Variants in LAMA3 observed in about 807,000 individuals in gnomAD.
LAMA3 encodes the protein laminin subunit alpha 3, also known as laminin subunit alpha-3.
LAMA3 carries 281 observed loss-of-function variants against 402.0 expected under a neutral mutation model. That is an observed-to-expected ratio of 0.70 (90% CI 0.63 to 0.77). The LOEUF is 0.77. LAMA3 is among the 30% of genes least tolerant of loss of function. The pLI is 0.00. For synonymous variants in LAMA3, 1,431 were observed against 1,558.4 expected (o/e 0.92, Z 1.93); for missense variants, 3,840 against 4,215.5 (o/e 0.91, Z 2.47).
chr18:23,845,940 T>C (rs776093158), intron 30 of LAMA3, among the ~76,000 whole-genome samples: 5 of 152,218 alleles, frequency 3.3e-5, no homozygotes, highest in Non-Finnish European at 7.3e-5. Flanking sequence ...CTCATTATCA[T>C]TTTATTAGTT....
intron 44 of LAMA3, among the ~76,000 whole-genome samples, chr18:23,897,771 C>T (rs1206477383): frequency 3.9e-5 from 6 of 152,078 alleles, no homozygotes; most frequent in African/African-American, 1.4e-4. Flanking sequence ...CACAAACATG[C>T]GAAAATTAAG....
Position 23,827,389 on chromosome 18 carries a change from T to A in LAMA3, c.2745T>A (p.Leu915=). 1 of 1,614,228 alleles carries A rather than the reference T, an allele frequency of 6.2e-7. No homozygotes were observed. The highest frequency in any genetic ancestry group is 8.5e-7 in the Non-Finnish European group (1 of 1,180,042). ...CTTGTGAGGCCAGACACTTCCTGCT[T>A]GATGGGGAGCCAAGACCCGTGGCAG... ...TLACEARHFL[L]DGEPRPVAVR... Residue 915 remains leucine, a synonymous_variant, in exon 23 of 75, where the codon CTT becomes CTA. Coordinates refer to ENST00000313654, the MANE Select transcript of LAMA3 (RefSeq NM_198129.4).
At chr18:23,900,806 C>A (rs2081045560) in intron 47 of LAMA3, among the ~76,000 whole-genome samples, 1 of 152,030 alleles carries the variant, frequency 6.6e-6, no homozygotes, top group Non-Finnish European at 1.5e-5. Flanking sequence ...TGCACTTTAC[C>A]CCCTGCAGCC....
At chr18:23,731,320 T>A (rs2061391838) in intron 2 of LAMA3, among the ~76,000 whole-genome samples, 1 of 152,202 alleles carries the variant, frequency 6.6e-6, no homozygotes, top group Non-Finnish European at 1.5e-5. Context: ...ACATGACATA[T>A]AATGTCTTGA....
At chr18:23,800,377 G>A (rs1229898515) in intron 12 of LAMA3, among the ~76,000 whole-genome samples, 1 of 152,152 alleles carries the variant, frequency 6.6e-6, no homozygotes, top group Non-Finnish European at 1.5e-5. Flanking sequence ...ATGAGAGAGG[G>A]AAGAAAACAA....
At chr18:23,818,812 G>A (rs943888749) in intron 18 of LAMA3, among the ~76,000 whole-genome samples, 1 of 151,660 alleles carries the variant, frequency 6.6e-6, no homozygotes, top group South Asian at 2.1e-4. Context: ...ACATCATATT[G>A]TAAATATTTC....
intron 1 of LAMA3, among the ~76,000 whole-genome samples, chr18:23,694,425 G>A (rs2060647540): frequency 6.6e-6 from 1 of 152,210 alleles, no homozygotes; most frequent in Non-Finnish European, 1.5e-5. Context: ...GCAGGGTATT[G>A]ATTTAACACA....
At chr18:23,921,419 C>T in intron 61 of LAMA3, 33 bp from the exon 62 acceptor site, 1 of 1,608,056 alleles carries the variant, frequency 6.2e-7, no homozygotes, top group East Asian at 2.2e-5. Flanking sequence ...CTTATTTTCG[C>T]TGGCTTGCTG....
At chr18:23,917,492 A>G (rs2081674026) in intron 60 of LAMA3, among the ~76,000 whole-genome samples, 1 of 152,176 alleles carries the variant, frequency 6.6e-6, no homozygotes, top group Non-Finnish European at 1.5e-5. Flanking sequence ...GCAGTGTACA[A>G]TCATTCCCTT....
chr18:23,936,385 C>T, intron 67 of LAMA3, among the ~76,000 whole-genome samples: 1 of 126,962 alleles, frequency 7.9e-6, no homozygotes. Flanking sequence ...CTATCCCTCC[C>T]CCCTCCCCCA....
At chr18:23,863,061 GCA>G (rs2064264892) in intron 35 of LAMA3, among the ~76,000 whole-genome samples, 1 of 152,154 alleles carries the variant, frequency 6.6e-6, no homozygotes, top group Non-Finnish European at 1.5e-5. Flanking sequence ...GACAGAAGCT[GCA>G]GTGTTTTTGT....
At chr18:23,952,880 A>C (rs1678401171) in intron 73 of LAMA3, 110 bp from the exon 74 acceptor site, 2 of 1,470,750 alleles carry the variant, frequency 1.4e-6, no homozygotes, top group African/African-American at 2.8e-5. Flanking sequence ...AAATTTCTGC[A>C]AACAGCACTC....
intron 68 of LAMA3, among the ~76,000 whole-genome samples, chr18:23,941,337 G>A (rs1310769952): frequency 6.9e-4 from 10 of 14,460 alleles, no homozygotes; most frequent in Admixed American, 2.0e-3. Flanking sequence ...CCCCCCCCCC[G>A]CCCGGCAGCT....
In LAMA3 at chr18:23,920,975, T is replaced by A; in HGVS notation, c.7964T>A (p.Met2655Lys). ...ISLNIEDGKL[M>K]VRYKLNSELP... is the part of the protein sequence containing the mutation. ...CTAAATATAGAAGATGGCAAGCTCATGGTGAGATACAAACTGAATTCAGAG... is the reference window on the plus strand; with the variant it reads ...CTAAATATAGAAGATGGCAAGCTCAAGGTGAGATACAAACTGAATTCAGAG... Residue 2655 changes from methionine (M) to lysine (K), a missense_variant, in exon 61 of 75, where the codon ATG becomes AAG. Physicochemically the swap from Met to Lys is moderately conservative, Grantham distance 95. This residue lies in a region of LAMA3 where 840 missense variants were observed against 981.9 expected (regional missense o/e 0.86). Transcript: ENST00000313654. 1 of 1,614,082 alleles carries A rather than the reference T, an allele frequency of 6.2e-7. No homozygotes were observed. The highest frequency in any genetic ancestry group is 1.3e-5 in the African/African-American group (1 of 75,032).
At chr18:23,824,276 T>A in intron 20 of LAMA3, 147 bp from the exon 21 acceptor site, 1 of 797,798 alleles carries the variant, frequency 1.3e-6, no homozygotes, top group Non-Finnish European at 2.1e-6. Context: ...CATAGTACAA[T>A]TTTTAAAGAT....
At chr18:23,778,792 G>A (rs1254395957) in intron 11 of LAMA3, among the ~76,000 whole-genome samples, 4 of 152,196 alleles carry the variant, frequency 2.6e-5, no homozygotes, top group African/African-American at 9.6e-5. Context: ...CTCCTGCAGC[G>A]CCACGGTGTG....
At chr18:23,932,074 T>C in intron 65 of LAMA3, 86 bp from the exon 66 acceptor site, 1 of 1,480,794 alleles carries the variant, frequency 6.8e-7, no homozygotes, top group Admixed American at 1.7e-5. Flanking sequence ...ATATTGAATC[T>C]GAGTCTTAGA....
intron 12 of LAMA3, among the ~76,000 whole-genome samples, chr18:23,791,685 G>C (rs1039959360): frequency 7.1e-6 from 1 of 141,622 alleles, no homozygotes; most frequent in African/African-American, 2.6e-5. Flanking sequence ...AGTGAGCTGA[G>C]ATCGCACCAC....
rs1456594967 is a variant in LAMA3 at position 23,881,961 on chromosome 18, A to G, written c.5138A>G (p.Glu1713Gly). The G allele has an allele frequency of 1.9e-6, 3 of 1,613,764 alleles. No homozygotes were observed. Among genetic ancestry groups the G allele is most frequent in the South Asian group, 1.1e-5 (1 of 91,082 alleles). ...AACTGTCAGCACAACACCGCGGGAG[A>G]GCACTGTGAACGCTGCCAGGAGGGC... ...CVNCQHNTAG[E>G]HCERCQEGYY... The change falls in exon 40 of 75, where the codon GAG (glutamate) becomes GGG (glycine). Residue 1713 changes from glutamate to glycine, a missense_variant. By Grantham distance (98) the Glu-to-Gly change is moderately conservative. Coordinates refer to ENST00000313654, the MANE Select transcript of LAMA3 (RefSeq NM_198129.4).
Sources: gnomAD v4.1 joint callset for allele counts (sites outside exome capture counted in the v4.1 genomes callset) on GRCh38, gnomAD v4.1.1 for gene constraint, gnomAD v4.1.1 regional missense constraint, MANE v1.5 for transcripts, NCBI Gene and HGNC (gene_info 2026-07-23, HGNC 2026-07-21) for gene names.